The following RBFOX2 variants were observed in gnomAD, a reference collection of about 807,000 sequenced individuals.
The protein encoded by RBFOX2 is RNA binding protein fox-1 homolog 2.
Under a neutral mutation model 49.1 loss-of-function variants are expected in RBFOX2, and 10 were observed. That is an observed-to-expected ratio of 0.20 (90% confidence interval 0.13 to 0.35). RBFOX2 has a LOEUF of 0.35. RBFOX2 is among the 10% of genes least tolerant of loss of function. The pLI, the probability that RBFOX2 is intolerant of heterozygous loss-of-function variation, is 1.00. For synonymous variants in RBFOX2, 183 were observed against 187.4 expected (o/e 0.98, Z 0.19); for missense variants, 323 against 486.9 (o/e 0.66, Z 3.17).
intron 1 of RBFOX2, among the ~76,000 whole-genome samples, chr22:35,905,312 G>A (rs1238069058): frequency 6.6e-6 from 1 of 152,132 alleles, no homozygotes; most frequent in Non-Finnish European, 1.5e-5. Flanking sequence ...AAAATAGATA[G>A]ATGATATATG....
chr22:35,796,324 C>A (rs927838488), intron 2 of RBFOX2, among the ~76,000 whole-genome samples: 25 of 151,984 alleles, frequency 1.6e-4, no homozygotes, highest in South Asian at 6.2e-4. Flanking sequence ...AAATAATAAG[C>A]CAATTATGTG....
At chr22:35,777,365 T>C (rs1944186443) in intron 4 of RBFOX2, among the ~76,000 whole-genome samples, 1 of 152,184 alleles carries the variant, frequency 6.6e-6, no homozygotes, top group Admixed American at 6.5e-5. Flanking sequence ...TAGAACACAT[T>C]TAGAGGAAAA....
At chr22:36,027,756 CGAG>C (rs999814166) in intron 1 of RBFOX2, among the ~76,000 whole-genome samples, 8 of 152,066 alleles carry the variant, frequency 5.3e-5, no homozygotes, top group East Asian at 1.9e-4. Flanking sequence ...GGGGCTCTCT[CGAG>C]GAGTTTTCTT....
chr22:35,793,296 C>G (rs760964076), intron 2 of RBFOX2, among the ~76,000 whole-genome samples: 5 of 152,160 alleles, frequency 3.3e-5, no homozygotes, highest in African/African-American at 4.8e-5. Flanking sequence ...TCGCTTGAAC[C>G]CGGGGGGCAG....
At chr22:35,920,381 C>G (rs2050895293) in intron 1 of RBFOX2, among the ~76,000 whole-genome samples, 1 of 152,204 alleles carries the variant, frequency 6.6e-6, no homozygotes, top group Non-Finnish European at 1.5e-5. Flanking sequence ...TTGGTGCCAT[C>G]AAATTGTTCA....
chr22:35,964,268 T>C (rs761413255), upstream of RBFOX2, among the ~76,000 whole-genome samples: 1 of 152,208 alleles, frequency 6.6e-6, no homozygotes, highest in South Asian at 2.1e-4. Flanking sequence ...ATCTGTGTTC[T>C]CTTATGCCAT....
chr22:35,808,390 A>C (rs1951163561), intron 2 of RBFOX2, among the ~76,000 whole-genome samples: 2 of 152,254 alleles, frequency 1.3e-5, no homozygotes, highest in Admixed American at 6.5e-5. Context: ...TACTTGATGA[A>C]AGAAAATTGA....
Position 35,763,709 on chromosome 22 carries a change from C to T in RBFOX2, c.607+1714G>A, listed in dbSNP as rs919034359. ...CCAAAGAGGAAGGTAAAATAGATACCACATCTGCAATCTGAGGTCAATACT... is the reference window on the plus strand; with the variant it reads ...CCAAAGAGGAAGGTAAAATAGATACTACATCTGCAATCTGAGGTCAATACT... On this transcript the variant is annotated intron_variant, in intron 6 of 11. Coordinates refer to ENST00000405409, the Ensembl canonical transcript of RBFOX2. 1.4e-4 allele frequency among the ~76,000 whole-genome samples: 21 copies of T among 152,136 alleles called. 1 individual carries two copies. Among genetic ancestry groups the T allele is most frequent in the African/African-American group, 4.8e-4 (20 of 41,516 alleles).
At chr22:35,918,729 T>A in intron 1 of RBFOX2, among the ~76,000 whole-genome samples, 1 of 152,044 alleles carries the variant, frequency 6.6e-6, no homozygotes, top group South Asian at 2.1e-4. Flanking sequence ...ACACAAGATT[T>A]ACACAATGAG....
intron 1 of RBFOX2, chr22:35,836,239 A>G (rs1957631919): frequency 6.6e-6 from 1 of 152,340 alleles, no homozygotes; most frequent in Non-Finnish European, 1.5e-5. Flanking sequence ...AAATCACAGA[A>G]TAGATTCTCT....
intron 4 of RBFOX2, among the ~76,000 whole-genome samples, chr22:35,773,631 T>G (rs1382330786): frequency 3.3e-5 from 5 of 152,088 alleles, no homozygotes; most frequent in Admixed American, 1.3e-4. Flanking sequence ...TTTGTAGTCC[T>G]TTAGTAGACT....
At chr22:35,809,908 A>G in exon 2 of RBFOX2, 2 of 1,613,730 alleles carry the variant, frequency 1.2e-6, no homozygotes, top group Non-Finnish European at 1.7e-6. Flanking sequence ...GGCACCCCAT[A>G]CTCTGTGGGA....
chr22:35,818,564 G>C (rs536561838), intron 1 of RBFOX2, among the ~76,000 whole-genome samples: 3 of 152,274 alleles, frequency 2.0e-5, no homozygotes, highest in African/African-American at 7.2e-5. Flanking sequence ...TGGGAGGACT[G>C]CTTGAGGCCA....
chr22:35,836,702 T>C (rs776896806), intron 1 of RBFOX2, among the ~76,000 whole-genome samples: 1 of 152,368 alleles, frequency 6.6e-6, no homozygotes, highest in Non-Finnish European at 1.5e-5. Context: ...TATACCATAG[T>C]AGAGTACAAA....
chr22:35,747,233 C>A (rs189323622), intron 9 of RBFOX2: 3 of 152,170 alleles, frequency 2.0e-5, no homozygotes, highest in Admixed American at 2.0e-4. Context: ...TACCACTTGG[C>A]CCTTTACGGA....
At chr22:35,945,081 A>G (rs948568386) in intron 1 of RBFOX2, among the ~76,000 whole-genome samples, 17 of 152,356 alleles carry the variant, frequency 1.1e-4, no homozygotes, top group African/African-American at 3.8e-4. Flanking sequence ...TGGAGAGAAG[A>G]AAGCGAGATA....
chr22:35,981,272 T>C (rs973245972), intron 1 of RBFOX2, among the ~76,000 whole-genome samples: 1 of 152,178 alleles, frequency 6.6e-6, no homozygotes, highest in Non-Finnish European at 1.5e-5. Flanking sequence ...ACACAGAATG[T>C]AGCCAGTTCC....
At chr22:35,862,482 G>C (rs1447499558) in intron 1 of RBFOX2, among the ~76,000 whole-genome samples, 1 of 152,000 alleles carries the variant, frequency 6.6e-6, no homozygotes, top group African/African-American at 2.4e-5. Context: ...AATTCCTTCT[G>C]ATCAGTCTAG....
At chr22:35,910,453 C>G (rs1056087350) in intron 1 of RBFOX2, among the ~76,000 whole-genome samples, 1 of 152,148 alleles carries the variant, frequency 6.6e-6, no homozygotes, top group Admixed American at 6.5e-5. Context: ...GACAGGCAGA[C>G]AGATGCCAAG....
Sources: gnomAD v4.1 joint callset for allele counts (sites outside exome capture counted in the v4.1 genomes callset) on GRCh38, gnomAD v4.1.1 for gene constraint, MANE v1.5 for transcripts, NCBI Gene and HGNC (gene_info 2026-07-23, HGNC 2026-07-21) for gene names.